The following ABCF1 variants were observed in gnomAD, a reference collection of about 807,000 sequenced individuals.
ABCF1 encodes the protein ATP-binding cassette sub-family F member 1.
Under a neutral mutation model 126.3 loss-of-function variants are expected in ABCF1, and 73 were observed. The observed-to-expected ratio is 0.58, with a 90% CI of 0.48 to 0.70. The LOEUF (loss-of-function observed/expected upper bound fraction) is 0.70, where lower values mean the gene tolerates loss of function less well. Ranked by LOEUF, ABCF1 falls within the 30% of genes least tolerant of loss-of-function variation. ABCF1 has a pLI of 0.00. For missense variants in ABCF1, 786 were observed against 1,057.5 expected, an observed-to-expected ratio of 0.74 and a Z score of 3.56; for synonymous variants, 345 against 396.4, an observed-to-expected ratio of 0.87 and a Z score of 1.54.
At chr6:30,572,313 G>T (rs879353369) in intron 1 of ABCF1, among the ~76,000 whole-genome samples, 5 of 152,164 alleles carry the variant, frequency 3.3e-5, no homozygotes, top group African/African-American at 4.8e-5. Context: ...TGGGAATGTA[G>T]AGATAAAAGA....
intron 1 of ABCF1, among the ~76,000 whole-genome samples, chr6:30,575,753 A>C (rs1224594092): frequency 6.6e-6 from 1 of 152,052 alleles, no homozygotes; most frequent in Non-Finnish European, 1.5e-5. Flanking sequence ...CTCTATTTAC[A>C]TGGCCTATAG....
intron 1 of ABCF1, among the ~76,000 whole-genome samples, chr6:30,576,779 C>A (rs1011409173): frequency 6.6e-6 from 1 of 152,132 alleles, no homozygotes; most frequent in African/African-American, 2.4e-5. Context: ...CCAATAAAGT[C>A]CCCATTCCTT....
rs1801988902 is a variant in ABCF1 at position 30,584,248 on chromosome 6, C to T, written c.1159C>T (p.Arg387Ter). 3 of 1,613,060 alleles carry T rather than the reference C, an allele frequency of 1.9e-6. No homozygotes were observed. The highest frequency in any genetic ancestry group is 2.5e-6 in the Non-Finnish European group (3 of 1,180,030). Residue 387 changes from arginine to a stop codon, truncating the protein, a stop_gained, in exon 13 of 25, where the codon CGA (arginine) becomes TGA (stop). Transcript: ENST00000326195. LOFTEE classifies it high-confidence loss of function. This position sits in a 1 kb window ranked among gnomAD's most constrained non-coding sequence, Gnocchi z 4.6. ...VQAVLRADTK[R>*]LKLLEEERRL... ...GGCTGTTCTTCGAGCTGACACCAAG[C>T]GATTGAAGCTGCTGGAAGAGGAGCG...
intron 20 of ABCF1, 159 bp from the exon 21 acceptor site, chr6:30,589,529 G>A: frequency 1.3e-6 from 1 of 772,510 alleles, no homozygotes; most frequent in Non-Finnish European, 2.0e-6. Flanking sequence ...CGTGAACCCG[G>A]AAGGTGGAGG....
At position 30,584,910 on chromosome 6, in the gene ABCF1, A is replaced by T. The variant is rs1802029814; in HGVS notation, c.1391+344A>T. Among the ~76,000 whole-genome samples, 1 of 152,118 alleles carries T rather than the reference A, an allele frequency of 6.6e-6. No individual in the cohort carries two copies. The highest frequency in any genetic ancestry group is 1.5e-5 in the Non-Finnish European group (1 of 68,026). ...CAAAAGGGGGAAGAAAACATATCCT[A>T]GCCTGGGCAACATAGGGAGACCCTG... On this transcript the variant is annotated intron_variant, in intron 14 of 24. Transcript: ENST00000326195. The surrounding 1 kb of genome is among the most constrained non-coding windows in gnomAD (Gnocchi z 4.6).
chr6:30,578,035 G>C, intron 3 of ABCF1, 41 bp from the exon 4 acceptor site: 1 of 1,613,954 alleles, frequency 6.2e-7, no homozygotes, highest in Non-Finnish European at 8.5e-7. Context: ...TACAGCAGGG[G>C]CCTGGGCTTC....
At position 30,586,104 on chromosome 6, in the gene ABCF1, AG is replaced by A. The variant is rs1249008540; in HGVS notation, c.1714-28del. 7 of 1,606,376 alleles carry A rather than the reference AG, an allele frequency of 4.4e-6. No individual in the cohort carries two copies. The African/African-American group carries it at 8.1e-5, about 19-fold the overall frequency. On this transcript the variant is annotated intron_variant, in intron 17 of 24. Coordinates refer to ENST00000326195, the MANE Select transcript of ABCF1 (RefSeq NM_001025091.2). The surrounding 1 kb of genome is among the most constrained non-coding windows in gnomAD (Gnocchi z 4.9). ...TTTCAAGGACTGCCGCGCAGGGCTC[AG>A]GTTTCTCTTTTTTCCTCTTCCTCTC...
chr6:30,590,419 G>A (rs919756982), intron 24 of ABCF1, 41 bp downstream of exon 24: 8 of 1,584,976 alleles, frequency 5.0e-6, no homozygotes, highest in South Asian at 4.7e-5. Flanking sequence ...TGCTCCATGG[G>A]GACCAAGCTG....
In ABCF1 at chr6:30,585,233, C is replaced by T. The variant is rs369374728; in HGVS notation, c.1392-27C>T. The T allele has an allele frequency of 6.2e-6, 10 of 1,601,164 alleles. No individual in the cohort carries two copies. The African/African-American group carries it at 1.3e-4, about 21-fold the overall frequency. On this transcript the variant is annotated intron_variant, in intron 14 of 24. Coordinates refer to ENST00000326195, the MANE Select transcript of ABCF1 (RefSeq NM_001025091.2). ...TGAGCAAGGATCTTTCTCTCCCTGA[C>T]CCTGCCCTCTGCTACCCACCCTCTA...
Position 30,586,691 on chromosome 6 carries a change from C to G in ABCF1, c.2011C>G (p.Leu671Val). 1 of 1,613,824 alleles carries G rather than the reference C, an allele frequency of 6.2e-7. No individual in the cohort carries two copies. Residue 671 changes from leucine (L) to valine (V), a missense_variant, in exon 20 of 25, where the codon CTG becomes GTG. By Grantham distance (32) the Leu-to-Val change is conservative. Coordinates refer to ENST00000326195, the MANE Select transcript of ABCF1 (RefSeq NM_001025091.2). This position sits in a 1 kb window ranked among gnomAD's most constrained non-coding sequence, Gnocchi z 4.9. ...GGGGAAGAGTACGCTACTCCTGCTG[C>G]TGACTGGCAAGCTGACACCGGTGAG... ...GVGKSTLLLLLTGKLTPTHGE... is the reference protein window; with the variant it reads ...GVGKSTLLLLVTGKLTPTHGE...
intron 4 of ABCF1, 52 bp from the exon 5 acceptor site, chr6:30,578,296 G>C (rs1312078446): frequency 6.2e-7 from 1 of 1,613,664 alleles, no homozygotes; most frequent in African/African-American, 1.3e-5. Flanking sequence ...TCAATTGGGG[G>C]GCCAGACATT....
chr6:30,571,746 G>A (rs931377347), intron 1 of ABCF1, among the ~76,000 whole-genome samples, 186 bp downstream of exon 1: 1 of 152,128 alleles, frequency 6.6e-6, no homozygotes, highest in South Asian at 2.1e-4. Context: ...TTAAAGGAAA[G>A]AGATCCAGAT....
rs184057898 is a variant in ABCF1, at chr6:30,580,342, G to A, written c.565-64G>A. The A allele has an allele frequency of 2.2e-3, 2,351 of 1,092,204 alleles. 36 individuals are homozygous for A. The African/African-American group carries it at 0.044, about 21-fold the overall frequency. The allele number at this position is 1,092,204 out of a possible 1,614,324, so 67.7% of individuals were successfully genotyped here. A position where few individuals can be genotyped will look rare whatever the true frequency, so the allele number is the denominator to read the frequency against. ...AGCCTGGGTGACAGAGCGAGACTCC[G>A]TCTCAAAAAAAAAAAAAGAAAAAAA... On this transcript the variant is annotated intron_variant, in intron 7 of 24. Transcript: ENST00000326195.
Position 30,583,688 on chromosome 6 carries a change from C to T in ABCF1, c.996C>T (p.Tyr332=), listed in dbSNP as rs372844074. 10 of 1,613,882 alleles carry T rather than the reference C, an allele frequency of 6.2e-6. No homozygotes were observed. The highest frequency in any genetic ancestry group is 2.7e-5 in the African/African-American group (2 of 74,890). The stretch of plus-strand genomic sequence containing the variant: ...TGTACATTGTAGCCGGCCGCCGCTA[C>T]GGGCTGGTAGGACCCAATGGGTGAG... The part of the protein sequence containing the change: ...ADLYIVAGRR[Y]GLVGPNGKGK... The change falls in exon 11 of 25, where the codon TAC becomes TAT. Residue 332 remains tyrosine, a synonymous_variant. Coordinates refer to ENST00000326195, the MANE Select transcript of ABCF1 (RefSeq NM_001025091.2). This position sits in a 1 kb window ranked among gnomAD's most constrained non-coding sequence, Gnocchi z 4.1.
chr6:30,572,754 GC>G (rs1480369001), intron 1 of ABCF1, among the ~76,000 whole-genome samples: 3 of 152,212 alleles, frequency 2.0e-5, no homozygotes, highest in Non-Finnish European at 4.4e-5. Flanking sequence ...TCCTGCCTCA[GC>G]CTCCAAAAGT....
chr6:30,579,791 T>C (rs1801708915), intron 6 of ABCF1, 140 bp from the exon 7 acceptor site: 1 of 700,770 alleles, frequency 1.4e-6, no homozygotes, highest in South Asian at 2.6e-5. Flanking sequence ...TTCTGGTGGG[T>C]TTATCGGGAT....
At position 30,578,556 on chromosome 6, in the gene ABCF1, G is replaced by C; in HGVS notation, c.468G>C (p.Pro156=). 1.9e-6 allele frequency: 3 copies of C among 1,613,792 alleles called. No homozygotes were observed. Among genetic ancestry groups the C allele is most frequent in the Non-Finnish European group, 2.5e-6 (3 of 1,179,892 alleles). ...EEKHPPKPAK[P]EKNRINKAVS... ...AACATCCTCCTAAGCCTGCCAAGCC[G>C]GAGAAGAATCGGATCAATAAGGTGA... Residue 156 remains proline (P), a synonymous_variant, in exon 6 of 25, where the codon CCG becomes CCC. Coordinates refer to ENST00000326195, the MANE Select transcript of ABCF1 (RefSeq NM_001025091.2).
intron 1 of ABCF1, among the ~76,000 whole-genome samples, chr6:30,576,768 A>G (rs1354251329): frequency 1.3e-5 from 2 of 152,138 alleles, no homozygotes; most frequent in East Asian, 3.9e-4. Flanking sequence ...AAGTGATCAT[A>G]CCAATAAAGT....
intron 1 of ABCF1, among the ~76,000 whole-genome samples, chr6:30,573,133 C>T (rs1479972430): frequency 6.6e-6 from 1 of 152,142 alleles, no homozygotes; most frequent in Non-Finnish European, 1.5e-5. Context: ...ATTTAGGGGG[C>T]TCTGGCCATG....
Sources: allele counts gnomAD v4.1 joint callset (sites outside exome capture counted in the v4.1 genomes callset), GRCh38; gene constraint gnomAD v4.1.1; non-coding constraint Gnocchi (gnomAD v3.1); transcripts MANE v1.5; gene names NCBI Gene and HGNC (gene_info 2026-07-23, HGNC 2026-07-21).